DOCK4: variants seen among roughly 807,000 people sequenced by gnomAD.
DOCK4 encodes the protein dedicator of cytokinesis 4.
Under a neutral mutation model 268.1 loss-of-function variants are expected in DOCK4, and 97 were observed. The ratio of observed to expected loss-of-function variants is 0.36; its 90% confidence interval spans 0.31 to 0.43. The LOEUF is 0.43. Ranked by LOEUF, DOCK4 falls within the 20% of genes least tolerant of loss-of-function variation. The pLI is 1.00. For missense variants in DOCK4, 2,145 were observed against 2,455.7 expected (o/e 0.87, Z 2.67); for synonymous variants, 954 against 887.2 (o/e 1.08, Z -1.34).
intron 41 of DOCK4, among the ~76,000 whole-genome samples, chr7:111,757,927 G>A (rs1166173038): frequency 6.6e-6 from 1 of 152,058 alleles, no homozygotes; most frequent in Admixed American, 6.5e-5. Flanking sequence ...CAAAGAAAGG[G>A]GCAGACTCTA....
At chr7:112,040,354 A>C (rs1804245286) in intron 1 of DOCK4, among the ~76,000 whole-genome samples, 1 of 152,232 alleles carries the variant, frequency 6.6e-6, no homozygotes, top group Admixed American at 6.5e-5. Context: ...TAATTAAATA[A>C]ATCATTCTGC....
chr7:111,929,934 G>T (rs772501114), intron 12 of DOCK4, among the ~76,000 whole-genome samples: 4 of 152,174 alleles, frequency 2.6e-5, no homozygotes, highest in Non-Finnish European at 4.4e-5. Context: ...CATAGCCAAT[G>T]ATTTTTACAC....
At chr7:111,869,387 T>A (rs1806236662) in intron 21 of DOCK4, 187 bp downstream of exon 21, 9 of 566,268 alleles carry the variant, frequency 1.6e-5, no homozygotes, top group South Asian at 1.5e-4. Flanking sequence ...TCCAGTAGAC[T>A]ACCCTGGCAA....
chr7:112,030,879 A>G (rs896317454), intron 1 of DOCK4, among the ~76,000 whole-genome samples: 1 of 152,222 alleles, frequency 6.6e-6, no homozygotes, highest in African/African-American at 2.4e-5. Context: ...CATTTGTAAA[A>G]GCACTGGCCA....
chr7:111,739,587 C>A (rs887259701), intron 47 of DOCK4, 110 bp from the exon 48 acceptor site: 1 of 849,418 alleles, frequency 1.2e-6, no homozygotes, highest in Non-Finnish European at 1.9e-6. Flanking sequence ...ACAAAAAGTC[C>A]GTTTAACAAT....
intron 30 of DOCK4, among the ~76,000 whole-genome samples, chr7:111,792,933 C>T (rs146008164): frequency 6.6e-6 from 1 of 152,120 alleles, no homozygotes; most frequent in Admixed American, 6.5e-5. Context: ...CATATCTTGG[C>T]ACAGAAAGTA....
At chr7:112,077,066 G>C (rs951632792) in intron 1 of DOCK4, among the ~76,000 whole-genome samples, 1 of 152,128 alleles carries the variant, frequency 6.6e-6, no homozygotes, top group Non-Finnish European at 1.5e-5. Context: ...AAAAGCCAAT[G>C]AGACAGGGAA....
chr7:111,857,265 T>C (rs1031348747), intron 23 of DOCK4, among the ~76,000 whole-genome samples: 1 of 152,218 alleles, frequency 6.6e-6, no homozygotes, highest in African/African-American at 2.4e-5. Flanking sequence ...ACTTTAAAAA[T>C]AGTCTAATAG....
At position 111,848,495 on chromosome 7, in the gene DOCK4, C is replaced by T. The variant is rs111522007; in HGVS notation, c.2474-1369G>A. On this transcript the variant is annotated intron_variant, in intron 23 of 52. Transcript: ENST00000428084. ...TCTGAATGTTCTCTTTTCAGAGCTTCCCACTCTTGTTTCACAGATGCATTC... is the reference window on the plus strand; with the variant it reads ...TCTGAATGTTCTCTTTTCAGAGCTTTCCACTCTTGTTTCACAGATGCATTC... Among the ~76,000 whole-genome samples, 1,152 of 152,296 alleles carry T rather than the reference C, an allele frequency of 7.6e-3. 8 individuals are homozygous for T. Among genetic ancestry groups the T allele is most frequent in the Non-Finnish European group, 0.012 (842 of 68,038 alleles).
chr7:111,790,221 A>T (rs1409272078), intron 31 of DOCK4, among the ~76,000 whole-genome samples: 1 of 152,154 alleles, frequency 6.6e-6, no homozygotes, highest in Non-Finnish European at 1.5e-5. Context: ...GGAAATCACA[A>T]AATTTTTCAG....
At chr7:112,205,617 G>C (rs1309374502) in intron 1 of DOCK4, among the ~76,000 whole-genome samples, 3 of 152,182 alleles carry the variant, frequency 2.0e-5, no homozygotes, top group Admixed American at 2.0e-4. Flanking sequence ...GAGCCAGAGG[G>C]AAGGGTTTGC....
At chr7:111,762,053 TA>T (rs34848739) in intron 39 of DOCK4, among the ~76,000 whole-genome samples, 39,039 of 152,012 alleles carry the variant, frequency 0.26, 5,645 homozygotes, top group African/African-American at 0.37. Context: ...TGACAGTTTG[TA>T]AAAATCGGGG....
chr7:112,206,060 T>C, intron 1 of DOCK4, 42 bp downstream of exon 1: 2 of 1,557,238 alleles, frequency 1.3e-6, no homozygotes, highest in South Asian at 1.2e-5. Flanking sequence ...GCGCACTCGC[T>C]CGGGCCAGAG....
At chr7:111,979,009 G>C (rs1440627200) in intron 7 of DOCK4, among the ~76,000 whole-genome samples, 2 of 152,120 alleles carry the variant, frequency 1.3e-5, no homozygotes, top group Non-Finnish European at 2.9e-5. Flanking sequence ...AAATAGTTCA[G>C]GGATTTCAAT....
chr7:112,192,244 T>C (rs1021448785), intron 1 of DOCK4, among the ~76,000 whole-genome samples: 2 of 148,630 alleles, frequency 1.3e-5, no homozygotes, highest in African/African-American at 2.5e-5. Context: ...ATACTTAACA[T>C]CGGTCAGGTG....
chr7:111,760,148 C>T (rs2133587185), intron 40 of DOCK4, 33 bp downstream of exon 40: 2 of 1,608,416 alleles, frequency 1.2e-6, no homozygotes, highest in East Asian at 4.5e-5. Flanking sequence ...CCAGTGCAAT[C>T]TCACTGAGTC....
rs908890073 is a variant in DOCK4, at chr7:111,750,236, T to C, written c.4417-2793A>G. Among the ~76,000 whole-genome samples the C allele has an allele frequency of 9.2e-5, 14 of 152,218 alleles. No individual in the cohort carries two copies. In the East Asian group the frequency reaches 2.7e-3, roughly 29 times the overall value. ...TGGCCTGTGATCCATTCATTTTCTT[T>C]ACTGGGGAATGTCCTTAAGGGACAG... On this transcript the variant is annotated intron_variant, in intron 42 of 52. Coordinates refer to ENST00000428084, the MANE Select transcript of DOCK4 (RefSeq NM_001363540.2).
chr7:111,917,304 A>C (rs534453720), intron 12 of DOCK4, among the ~76,000 whole-genome samples: 69 of 152,062 alleles, frequency 4.5e-4, no homozygotes, highest in African/African-American at 1.5e-3. Context: ...TTAAAATAAG[A>C]AGGACAAAAA....
chr7:111,756,878 A>AAG (rs1215016687), intron 41 of DOCK4, among the ~76,000 whole-genome samples: 1 of 152,020 alleles, frequency 6.6e-6, no homozygotes, highest in East Asian at 1.9e-4. Flanking sequence ...GCAGATGAAT[A>AAG]AGAGCTCAGA....
Sources: allele counts gnomAD v4.1 joint callset (sites outside exome capture counted in the v4.1 genomes callset), GRCh38; gene constraint gnomAD v4.1.1; transcripts MANE v1.5; gene names NCBI Gene and HGNC (gene_info 2026-07-23, HGNC 2026-07-21).